PTPRD: variants seen among roughly 807,000 people sequenced by gnomAD.
PTPRD encodes receptor-type tyrosine-protein phosphatase delta.
PTPRD carries 34 observed loss-of-function variants against 214.5 expected under a neutral mutation model. The observed-to-expected ratio is 0.16, with a 90% confidence interval of 0.12 to 0.21. The LOEUF (loss-of-function observed/expected upper bound fraction) is 0.21. PTPRD is among the 10% of genes least tolerant of loss of function. The pLI, the probability that PTPRD is intolerant of heterozygous loss-of-function variation, is 1.00. For synonymous variants in PTPRD, 1,128 were observed against 845.7 expected (o/e 1.33, Z -5.79); for missense variants, 2,545 against 2,398.7 (o/e 1.06, Z -1.27).
At chr9:8,993,203 G>A (rs2099384384) in intron 11 of PTPRD, among the ~76,000 whole-genome samples, 1 of 152,124 alleles carries the variant, frequency 6.6e-6, no homozygotes, top group Admixed American at 6.6e-5. Context: ...CAGAGAACCT[G>A]GCTCTAAGGT....
chr9:9,121,454 G>C (rs1464359077), intron 10 of PTPRD, among the ~76,000 whole-genome samples: 1 of 150,570 alleles, frequency 6.6e-6, no homozygotes, highest in African/African-American at 2.4e-5. Context: ...AGAAACTTTG[G>C]TATATATATA....
At chr9:9,875,784 T>G (rs557604089) in intron 5 of PTPRD, among the ~76,000 whole-genome samples, 1 of 152,006 alleles carries the variant, frequency 6.6e-6, no homozygotes, top group Non-Finnish European at 1.5e-5. Flanking sequence ...AAAATAACAA[T>G]CCACAACACC....
intron 14 of PTPRD, among the ~76,000 whole-genome samples, chr9:8,547,026 T>A (rs1209974578): frequency 6.6e-6 from 1 of 152,230 alleles, no homozygotes. Context: ...TGCTCCACTG[T>A]CATACCATTT....
At chr9:10,010,540 C>G (rs552417465) in intron 4 of PTPRD, among the ~76,000 whole-genome samples, 1 of 151,762 alleles carries the variant, frequency 6.6e-6, no homozygotes, top group Non-Finnish European at 1.5e-5. Context: ...ATGAGTTCCA[C>G]ACCTGGGTCA....
intron 35 of PTPRD, among the ~76,000 whole-genome samples, chr9:8,427,190 G>T (rs2094736353): frequency 6.6e-6 from 1 of 152,184 alleles, no homozygotes; most frequent in African/African-American, 2.4e-5. Flanking sequence ...GTACTTTTGA[G>T]TTAAATCTGA....
chr9:9,869,626 A>C (rs1469167727), intron 5 of PTPRD, among the ~76,000 whole-genome samples: 2 of 152,114 alleles, frequency 1.3e-5, no homozygotes, highest in Admixed American at 1.3e-4. Context: ...ACAATACCTA[A>C]ATCTAACCAA....
At chr9:8,570,750 T>C (rs2090884255) in intron 14 of PTPRD, among the ~76,000 whole-genome samples, 1 of 152,112 alleles carries the variant, frequency 6.6e-6, no homozygotes, top group South Asian at 2.1e-4. Flanking sequence ...GTGTTTGTTT[T>C]AAGCTGTATC....
intron 12 of PTPRD, among the ~76,000 whole-genome samples, chr9:8,708,879 G>A (rs1054715003): frequency 2.0e-5 from 3 of 151,940 alleles, no homozygotes; most frequent in African/African-American, 4.8e-5. Flanking sequence ...TAAAGAAAAC[G>A]TCCTATTATG....
chr9:9,702,172 A>C (rs1231519326), intron 7 of PTPRD, among the ~76,000 whole-genome samples: 1 of 152,146 alleles, frequency 6.6e-6, no homozygotes, highest in African/African-American at 2.4e-5. Context: ...AAGTATCATG[A>C]TGACGAGAAA....
chr9:8,419,955 T>G (rs1448221830), intron 35 of PTPRD, among the ~76,000 whole-genome samples: 2 of 152,158 alleles, frequency 1.3e-5, no homozygotes, highest in Non-Finnish European at 2.9e-5. Context: ...AGACAGTTGC[T>G]AAGACACTAA....
intron 5 of PTPRD, among the ~76,000 whole-genome samples, chr9:9,936,047 C>A (rs2089234763): frequency 6.7e-6 from 1 of 148,932 alleles, no homozygotes; most frequent in African/African-American, 2.6e-5. Flanking sequence ...GAAACTGGAT[C>A]CCTTCCTTAC....
At chr9:9,393,559 G>A (rs1219938634) in intron 9 of PTPRD, among the ~76,000 whole-genome samples, 1 of 152,120 alleles carries the variant, frequency 6.6e-6, no homozygotes, top group Non-Finnish European at 1.5e-5. Flanking sequence ...TAACTGCATA[G>A]TCAATCCACT....
chr9:9,180,363 C>T (rs193055877), intron 10 of PTPRD, among the ~76,000 whole-genome samples: 268 of 148,486 alleles, frequency 1.8e-3, no homozygotes, highest in African/African-American at 5.1e-3. Flanking sequence ...AACCAAATAC[C>T]GCATATTCTC....
chr9:8,662,972 G>A (rs1238642706), intron 12 of PTPRD, among the ~76,000 whole-genome samples: 1 of 151,986 alleles, frequency 6.6e-6, no homozygotes, highest in Non-Finnish European at 1.5e-5. Context: ...CTGGTGTCTG[G>A]AATATACAAA....
chr9:9,636,745 T>G (rs1157123527), intron 7 of PTPRD, among the ~76,000 whole-genome samples: 1 of 152,240 alleles, frequency 6.6e-6, no homozygotes, highest in Non-Finnish European at 1.5e-5. Flanking sequence ...GTTATGTCAC[T>G]GAGCCATTTA....
At chr9:9,936,291 A>C (rs1274271854) in intron 5 of PTPRD, among the ~76,000 whole-genome samples, 1 of 151,564 alleles carries the variant, frequency 6.6e-6, no homozygotes, top group African/African-American at 2.4e-5. Flanking sequence ...GTGAACAGGC[A>C]ACCTAAAAAA....
intron 3 of PTPRD, among the ~76,000 whole-genome samples, chr9:10,184,642 T>C (rs1170623691): frequency 1.3e-5 from 2 of 152,172 alleles, no homozygotes; most frequent in Non-Finnish European, 2.9e-5. Context: ...CCCACCTCTT[T>C]CCCTGGTAAG....
intron 33 of PTPRD, among the ~76,000 whole-genome samples, chr9:8,458,679 C>T (rs748703555): frequency 4.6e-5 from 7 of 152,090 alleles, no homozygotes; most frequent in East Asian, 1.9e-4. Flanking sequence ...TGATTACTCA[C>T]GGGGCAGGTG....
chr9:9,127,964 T>C (rs958122440), intron 10 of PTPRD, among the ~76,000 whole-genome samples: 1 of 152,194 alleles, frequency 6.6e-6, no homozygotes, highest in African/African-American at 2.4e-5. Flanking sequence ...CTCCTACTTC[T>C]TTTGCCTCTA....
Sources: gnomAD v4.1 joint callset for allele counts (sites outside exome capture counted in the v4.1 genomes callset) on GRCh38, gnomAD v4.1.1 for gene constraint, MANE v1.5 for transcripts, NCBI Gene and HGNC (gene_info 2026-07-23, HGNC 2026-07-21) for gene names.